Variants in NUP210L observed in about 807,000 individuals in gnomAD.
NUP210L encodes the protein nuclear pore membrane glycoprotein 210-like.
A neutral mutation model predicts 208.5 loss-of-function variants in NUP210L; 74 were observed. The ratio of observed to expected loss-of-function variants is 0.35; its 90% CI spans 0.29 to 0.43. The LOEUF (loss-of-function observed/expected upper bound fraction) is 0.43. Among genes scored for constraint, NUP210L ranks in the 20% least tolerant of loss-of-function variants. The pLI is 1.00. For missense variants in NUP210L, 1,843 were observed against 2,289.4 expected, an observed-to-expected ratio of 0.81 and a Z score of 3.98; for synonymous variants, 780 against 816.9, an observed-to-expected ratio of 0.95 and a Z score of 0.77.
chr1:154,044,362 G>T (rs890045950), intron 27 of NUP210L, among the ~76,000 whole-genome samples: 13 of 150,640 alleles, frequency 8.6e-5, no homozygotes, highest in African/African-American at 3.2e-4. Context: ...AGCCGAGATC[G>T]TACCATTGCA....
intron 32 of NUP210L, 96 bp from the exon 33 acceptor site, chr1:154,019,165 C>T: frequency 8.0e-7 from 1 of 1,257,772 alleles, no homozygotes; most frequent in Non-Finnish European, 1.1e-6. Context: ...TTCAAGCATG[C>T]AGATATCTCT....
At chr1:154,060,269 T>C (rs1654067105) in intron 20 of NUP210L, among the ~76,000 whole-genome samples, 1 of 151,974 alleles carries the variant, frequency 6.6e-6, no homozygotes, top group African/African-American at 2.4e-5. Flanking sequence ...TATTTAAATA[T>C]TTAAGTATCT....
chr1:154,106,607 G>A lies in NUP210L; in HGVS notation c.1621-2397C>T, dbSNP rs533038629. Among the ~76,000 whole-genome samples, 11 of 152,328 alleles carry A rather than the reference G, an allele frequency of 7.2e-5. No individual in the cohort carries two copies. The South Asian group carries it at 2.3e-3, about 32-fold the overall frequency. ...GACCCAGTGCAGTCCTAGTGGTGGT[G>A]GCCACAGAGGGGCTTGTGTAACCCC... On this transcript the variant is annotated intron_variant, in intron 12 of 39. Coordinates refer to ENST00000368559, the Ensembl canonical transcript of NUP210L.
chr1:154,009,044 G>A (rs1650743018), intron 35 of NUP210L, among the ~76,000 whole-genome samples: 1 of 151,822 alleles, frequency 6.6e-6, no homozygotes, highest in Admixed American at 6.6e-5. Context: ...CCAATAGTTG[G>A]GATTACAGGT....
intron 10 of NUP210L, 73 bp downstream of exon 10, chr1:154,126,250 G>T: frequency 7.5e-7 from 1 of 1,333,142 alleles, no homozygotes; most frequent in Non-Finnish European, 1.0e-6. Context: ...CTATATATCT[G>T]CTTGCAAATC....
exon 22 of NUP210L, chr1:154,058,181 C>T (rs928796923): frequency 1.2e-6 from 2 of 1,613,904 alleles, no homozygotes; most frequent in Admixed American, 1.7e-5. Flanking sequence ...AGCCAAGAAC[C>T]CTCACAGTCA....
chr1:154,062,949 C>T (rs1309118292), intron 17 of NUP210L, among the ~76,000 whole-genome samples: 1 of 152,088 alleles, frequency 6.6e-6, no homozygotes, highest in Admixed American at 6.6e-5. Flanking sequence ...ATTTTGTCCT[C>T]AATATATAAT....
intron 17 of NUP210L, among the ~76,000 whole-genome samples, chr1:154,062,565 TC>T (rs1571227022): frequency 5.7e-5 from 8 of 139,460 alleles, no homozygotes; most frequent in South Asian, 2.3e-4. Context: ...CTTTTCTTTT[TC>T]CTTTTTTTTT....
intron 7 of NUP210L, among the ~76,000 whole-genome samples, chr1:154,132,026 T>A (rs578037070): frequency 7.9e-5 from 12 of 152,284 alleles, no homozygotes; most frequent in African/African-American, 2.9e-4. Context: ...ACCAGGCTGG[T>A]CTCAAACTCC....
At chr1:153,995,091 C>A (rs751939706) in exon 38 of NUP210L, 12 of 1,610,334 alleles carry the variant, frequency 7.5e-6, no homozygotes, top group African/African-American at 1.3e-5. Context: ...AAGATGGAAG[C>A]TGTTGATGCC....
intron 16 of NUP210L, among the ~76,000 whole-genome samples, chr1:154,083,814 G>A (rs944618828): frequency 7.2e-5 from 11 of 151,966 alleles, no homozygotes; most frequent in African/African-American, 2.7e-4. Context: ...GGATTTGATA[G>A]AATGGCACTG....
chr1:154,127,392 T>C (rs772865170), exon 9 of NUP210L: 1 of 1,600,776 alleles, frequency 6.2e-7, no homozygotes, highest in South Asian at 1.1e-5. Flanking sequence ...CTAGACTCCA[T>C]CGGTTTCCAG....
intron 27 of NUP210L, among the ~76,000 whole-genome samples, chr1:154,034,841 CTCTT>C (rs1265405276): frequency 2.1e-5 from 3 of 143,232 alleles, no homozygotes; most frequent in East Asian, 4.1e-4. Context: ...CTCTCTCTCT[CTCTT>C]TTTTTTTTTT....
At chr1:154,031,668 A>G (rs2147944718) in intron 27 of NUP210L, among the ~76,000 whole-genome samples, 1 of 151,690 alleles carries the variant, frequency 6.6e-6, no homozygotes, top group East Asian at 1.9e-4. Context: ...TTCACTTAAC[A>G]TAGTGTCTCC....
chr1:154,021,199 C>T (rs568601361), intron 32 of NUP210L, among the ~76,000 whole-genome samples: 1 of 152,346 alleles, frequency 6.6e-6, no homozygotes, highest in Non-Finnish European at 1.5e-5. Context: ...CTCAGCCTCC[C>T]AAAGTGCTGG....
intron 35 of NUP210L, among the ~76,000 whole-genome samples, chr1:154,005,734 T>C (rs565974855): frequency 6.8e-6 from 1 of 148,010 alleles, no homozygotes; most frequent in Admixed American, 6.8e-5. Context: ...TTTTCTTTTT[T>C]TTTTTTGAGA....
At chr1:154,154,397 G>C (rs1217571648) in intron 1 of NUP210L, among the ~76,000 whole-genome samples, 1 of 152,166 alleles carries the variant, frequency 6.6e-6, no homozygotes, top group Non-Finnish European at 1.5e-5. Flanking sequence ...TCTATAGTTA[G>C]TGGGGACCCT....
rs772768220 is a variant in NUP210L at position 154,117,742 on chromosome 1, G to A, written c.1603C>T (p.Arg535Ter). Residue 535 changes from arginine (R) to a stop codon, truncating the protein, a stop_gained, in exon 12 of 40, where the codon CGA becomes TGA. Coordinates refer to ENST00000368559, the Ensembl canonical transcript of NUP210L. LOFTEE classifies it high-confidence loss of function. ...TCGTTTACCTTAATTTCTCCATATCGAAAGGGATTTTGTACATCTCGGGCC... is the reference window on the plus strand; with the variant it reads ...TCGTTTACCTTAATTTCTCCATATCAAAAGGGATTTTGTACATCTCGGGCC... 7 of 1,610,406 alleles carry A rather than the reference G, an allele frequency of 4.3e-6. No individual in the cohort carries two copies. Among genetic ancestry groups the A allele is most frequent in the Middle Eastern group, 1.7e-4 (1 of 6,044 alleles).
intron 35 of NUP210L, among the ~76,000 whole-genome samples, chr1:154,003,765 G>A (rs556107696): frequency 6.6e-6 from 1 of 152,220 alleles, no homozygotes; most frequent in South Asian, 2.1e-4. Context: ...TGGGATTATA[G>A]GCATGAGCCA....
Sources: allele counts gnomAD v4.1 joint callset (sites outside exome capture counted in the v4.1 genomes callset), GRCh38; gene constraint gnomAD v4.1.1; transcripts MANE v1.5; gene names NCBI Gene and HGNC (gene_info 2026-07-23, HGNC 2026-07-21).